MAPK7: variants seen among roughly 807,000 people sequenced by gnomAD.
MAPK7 encodes the protein BMK-1.
Under a neutral mutation model 56.9 loss-of-function variants are expected in MAPK7, and 30 were observed. The ratio of observed to expected loss-of-function variants is 0.53; its 90% CI spans 0.39 to 0.72. The LOEUF (loss-of-function observed/expected upper bound fraction) is 0.72, where lower values mean the gene tolerates loss of function less well. MAPK7 is among the 30% of genes least tolerant of loss of function. MAPK7 has a pLI of 0.00. For missense variants in MAPK7, 952 were observed against 1,110.8 expected, an observed-to-expected ratio of 0.86 and a Z score of 2.03; for synonymous variants, 516 against 449.3, an observed-to-expected ratio of 1.15 and a Z score of -1.88.
rs1036310024 is a variant in MAPK7 at position 19,380,006 on chromosome 17, T to C, written c.398+59T>C. The C allele has an allele frequency of 3.8e-6, 6 of 1,558,922 alleles. No homozygotes were observed. In the African/African-American group the frequency reaches 8.2e-5, roughly 21 times the overall value. ...GGGACTTTTCTGAAGGCTGCAACCA[T>C]GTTGCCGAAGTTCTGGAAAGGCAGC... On this transcript the variant is annotated intron_variant, in intron 3 of 6. Transcript: ENST00000395604.
rs1302098518 is a variant in MAPK7 at position 19,383,246 on chromosome 17, G to C, written c.*15G>C. 1 of 1,613,116 alleles carries C rather than the reference G, an allele frequency of 6.2e-7. No homozygotes were observed. Among genetic ancestry groups the C allele is most frequent in the Admixed American group, 1.7e-5 (1 of 59,978 alleles). Reference sequence around the variant, plus strand: ...AGGACCCCTGAGGCCCCCAGCCTGTGCCTTGCTGCCACAGTAGACCTAGTT... The same window carrying C: ...AGGACCCCTGAGGCCCCCAGCCTGTCCCTTGCTGCCACAGTAGACCTAGTT... On this transcript the variant is annotated 3_prime_UTR_variant, in exon 7 of 7. Transcript: ENST00000395604.
rs1369126434 is a variant in MAPK7, at chr17:19,380,725, C to A, written c.516C>A (p.Tyr172Ter). ...ACCAACTGCTGCGGGGCCTGAAGTA[C>A]ATGCACTCGGCTCAGGTCATCCACC... Reference protein sequence around the residue: ...FLYQLLRGLKYMHSAQVIHRD... With the variant: ...FLYQLLRGLK The change falls in exon 4 of 7, where the codon TAC (tyrosine) becomes TAA (stop). Residue 172 changes from tyrosine (Y) to a stop codon, truncating the protein, a stop_gained. Coordinates refer to ENST00000395604, the MANE Select transcript of MAPK7 (RefSeq NM_002749.4). LOFTEE classifies it high-confidence loss of function. The A allele has an allele frequency of 6.2e-7, 1 of 1,614,226 alleles. No individual in the cohort carries two copies. The highest frequency in any genetic ancestry group is 8.5e-7 in the Non-Finnish European group (1 of 1,180,038).
intron 3 of MAPK7, chr17:19,380,407 A>C: frequency 7.3e-7 from 1 of 1,373,046 alleles, no homozygotes; most frequent in Non-Finnish European, 9.4e-7. Flanking sequence ...CTGGAGACAA[A>C]AGTGATTTAA....
intron 2 of MAPK7, chr17:19,379,445 C>T: frequency 1.8e-6 from 1 of 555,396 alleles, no homozygotes; most frequent in Non-Finnish European, 3.2e-6. Flanking sequence ...GCATAAGGAA[C>T]TGGTGGTGGG....
rs776926961 is a variant in MAPK7, at chr17:19,383,196, C to T, written c.2416C>T (p.Leu806=). 2 of 1,614,120 alleles carry T rather than the reference C, an allele frequency of 1.2e-6. No homozygotes were observed. Among genetic ancestry groups the T allele is most frequent in the Admixed American group, 3.3e-5 (2 of 60,014 alleles). The part of the protein sequence containing the change: ...QREIQMDSPM[L]LADLPDLQDP ...TGAGATCCAGATGGACTCCCCAATG[C>T]TGCTGGCTGACCTGCCTGACCTCCA... is the stretch of plus-strand genomic sequence containing the variant. The change falls in exon 7 of 7, where the codon CTG becomes TTG. Residue 806 remains leucine (L), a synonymous_variant. Coordinates refer to ENST00000395604, the MANE Select transcript of MAPK7 (RefSeq NM_002749.4).
At position 19,379,074 on chromosome 17, in the gene MAPK7, C is replaced by T. The variant is rs778545740; in HGVS notation, c.174C>T (p.Ile58=). ...TFDVGDEYEI[I]ETIGNGAYGV... ...ACGTGGGCGACGAGTACGAGATCAT[C>T]GAGACCATAGGCAACGGGGCCTATG... is the stretch of plus-strand genomic sequence containing the variant. The change falls in exon 2 of 7, where the codon ATC becomes ATT. Residue 58 remains isoleucine (I), a synonymous_variant. Transcript: ENST00000395604. The T allele has an allele frequency of 3.9e-5, 63 of 1,614,004 alleles. No homozygotes were observed. The highest frequency in any genetic ancestry group is 1.0e-4 in the Admixed American group (6 of 60,008).
upstream of MAPK7, chr17:19,377,764 C>T: frequency 1.1e-6 from 1 of 924,134 alleles, no homozygotes; most frequent in South Asian, 5.0e-5. Flanking sequence ...GCGGGCTCCG[C>T]AGAGGAGCAG....
rs1459915277 is a variant in MAPK7 at position 19,381,376 on chromosome 17, T to C, written c.1167T>C (p.His389=). 6.2e-7 allele frequency: 1 copy of C among 1,614,044 alleles called. No homozygotes were observed. Among genetic ancestry groups the C allele is most frequent in the Non-Finnish European group, 8.5e-7 (1 of 1,180,048 alleles). ...EAIVAEIEDF[H]ARREGIRQQI... The stretch of plus-strand genomic sequence containing the variant: ...TTGTGGCTGAAATTGAGGACTTCCA[T>C]GCAAGGCGTGAGGGCATCCGCCAAC... The change falls in exon 4 of 7, where the codon CAT becomes CAC. Residue 389 remains histidine, a synonymous_variant. Transcript: ENST00000395604. This position sits in a 1 kb window ranked among gnomAD's most constrained non-coding sequence, Gnocchi z 4.6.
At chr17:19,382,975 T>G in intron 6 of MAPK7, 29 bp downstream of exon 6, 1 of 1,613,824 alleles carries the variant, frequency 6.2e-7, no homozygotes, top group Non-Finnish European at 8.5e-7. Context: ...GCTCCTAGAC[T>G]GGGACTGTGG....
rs1912588898 is a variant in MAPK7 at position 19,380,854 on chromosome 17, G to A, written c.645G>A (p.Gln215=). Residue 215 remains glutamine, a synonymous_variant, in exon 4 of 7, where the codon CAG becomes CAA. Coordinates refer to ENST00000395604, the MANE Select transcript of MAPK7 (RefSeq NM_002749.4). ...RGLCTSPAEH[Q]YFMTEYVATR... is the part of the protein sequence containing the mutation. ...TGTGCACCTCGCCCGCTGAACATCA[G>A]TACTTCATGACTGAGTATGTGGCCA... The A allele has an allele frequency of 6.2e-7, 1 of 1,614,022 alleles. No homozygotes were observed. Among genetic ancestry groups the A allele is most frequent in the South Asian group, 1.1e-5 (1 of 91,062 alleles).
At position 19,380,794 on chromosome 17, in the gene MAPK7, G is replaced by A; in HGVS notation, c.585G>A (p.Glu195=). The A allele has an allele frequency of 6.2e-7, 1 of 1,613,386 alleles. No homozygotes were observed. Among genetic ancestry groups the A allele is most frequent in the Non-Finnish European group, 8.5e-7 (1 of 1,179,386 alleles). ...ACCTATTGGTGAATGAGAACTGTGAGCTCAAGATTGGTGACTTTGGTATGG... is the reference window on the plus strand; with the variant it reads ...ACCTATTGGTGAATGAGAACTGTGAACTCAAGATTGGTGACTTTGGTATGG... The part of the protein sequence containing the change: ...PSNLLVNENC[E]LKIGDFGMAR... The change falls in exon 4 of 7, where the codon GAG becomes GAA. Residue 195 remains glutamate, a synonymous_variant. Coordinates refer to ENST00000395604, the MANE Select transcript of MAPK7 (RefSeq NM_002749.4).
At position 19,378,857 on chromosome 17, in the gene MAPK7, A is replaced by G. The variant is rs1277681363; in HGVS notation, c.-5-39A>G. 1 of 1,496,938 alleles carries G rather than the reference A, an allele frequency of 6.7e-7. No homozygotes were observed. The highest frequency in any genetic ancestry group is 2.5e-5 in the East Asian group (1 of 40,478). The allele number at this position is 1,496,938 out of a possible 1,614,324, so 92.7% of individuals were successfully genotyped here. The stretch of plus-strand genomic sequence containing the variant: ...GCCCGCAGAGGGGACACTGAGGCCC[A>G]CGGTAGGTGGTCCTCTCCTCACCCG... On this transcript the variant is annotated intron_variant, in intron 1 of 6. Coordinates refer to ENST00000395604, the MANE Select transcript of MAPK7 (RefSeq NM_002749.4). The surrounding 1 kb of genome is among the most constrained non-coding windows in gnomAD (Gnocchi z 5.4).
chr17:19,382,280 C>T lies in MAPK7; in HGVS notation c.1977C>T (p.Thr659=). Residue 659 remains threonine, a synonymous_variant, in exon 5 of 7, where the codon ACC becomes ACT. Coordinates refer to ENST00000395604, the MANE Select transcript of MAPK7 (RefSeq NM_002749.4). ...IPVPAPPQIA[T]STSLLAAQSL... Reference sequence around the variant, plus strand: ...TCCCCGCGCCACCCCAGATTGCCACCTCCACCAGCCTCCTGGCTGCCCAGT... The same window carrying T: ...TCCCCGCGCCACCCCAGATTGCCACTTCCACCAGCCTCCTGGCTGCCCAGT... The T allele has an allele frequency of 6.2e-7, 1 of 1,612,898 alleles. No individual in the cohort carries two copies.
At chr17:19,380,233 C>T (rs1870204015) in intron 3 of MAPK7, 1 of 510,582 alleles carries the variant, frequency 2.0e-6, no homozygotes, top group Non-Finnish European at 3.4e-6. Context: ...CTTCACTAAT[C>T]AATCACAGAA....
Position 19,382,125 on chromosome 17 carries a change from G to T in MAPK7, c.1822G>T (p.Gly608Cys). 6.2e-7 allele frequency: 1 copy of T among 1,612,256 alleles called. No individual in the cohort carries two copies. The highest frequency in any genetic ancestry group is 8.5e-7 in the Non-Finnish European group (1 of 1,179,668). ...AGTCCAACCTACCAGTCCTCCTCCT[G>T]GCCCTGTAGCCCAGCCCACTGGCCC... ...TPVQPTSPPPGPVAQPTGPQP... is the reference protein window; with the variant it reads ...TPVQPTSPPPCPVAQPTGPQP... Residue 608 changes from glycine to cysteine, a missense_variant, in exon 5 of 7, where the codon GGC (glycine) becomes TGC (cysteine). Transcript: ENST00000395604.
chr17:19,382,064 G>T lies in MAPK7; in HGVS notation c.1761G>T (p.Pro587=), dbSNP rs1332144657. 2 of 1,590,560 alleles carry T rather than the reference G, an allele frequency of 1.3e-6. No individual in the cohort carries two copies. Among genetic ancestry groups the T allele is most frequent in the Non-Finnish European group, 1.7e-6 (2 of 1,169,126 alleles). The change falls in exon 5 of 7, where the codon CCG becomes CCT. Residue 587 remains proline, a synonymous_variant. Coordinates refer to ENST00000395604, the MANE Select transcript of MAPK7 (RefSeq NM_002749.4). ...RPAAPALTSV[P]APAPAPTPTP... The stretch of plus-strand genomic sequence containing the variant: ...CAGCCCCAGCCCTCACCTCTGTGCC[G>T]GCCCCTGCCCCAGCGCCAACGCCAA...
chr17:19,378,211 G>T, upstream of MAPK7: 1 of 985,668 alleles, frequency 1.0e-6, no homozygotes, highest in Non-Finnish European at 1.2e-6. This position sits in a 1 kb window ranked among gnomAD's most constrained non-coding sequence, Gnocchi z 5.4. Flanking sequence ...CGCGCGCTAC[G>T]TGCAGGGGCG....
rs934190596 is a variant in MAPK7 at position 19,382,118 on chromosome 17, T to A, written c.1815T>A (p.Pro605=). Residue 605 remains proline, a synonymous_variant, in exon 5 of 7, where the codon CCT becomes CCA. Coordinates refer to ENST00000395604, the MANE Select transcript of MAPK7 (RefSeq NM_002749.4). ...CAACCCCAGTCCAACCTACCAGTCC[T>A]CCTCCTGGCCCTGTAGCCCAGCCCA... ...PTPTPVQPTS[P]PPGPVAQPTG... 6.2e-7 allele frequency: 1 copy of A among 1,611,398 alleles called. No homozygotes were observed. Among genetic ancestry groups the A allele is most frequent in the Admixed American group, 1.7e-5 (1 of 59,902 alleles).
At chr17:19,379,588 C>T (rs182311226) in intron 2 of MAPK7, 194 bp from the exon 3 acceptor site, 5 of 601,270 alleles carry the variant, frequency 8.3e-6, no homozygotes, top group Admixed American at 6.3e-5. Context: ...GGACCTGCCC[C>T]GCAGGGGAGT....
Sources: gnomAD v4.1 joint callset for allele counts on GRCh38, gnomAD v4.1.1 for gene constraint, Gnocchi (gnomAD v3.1) non-coding constraint, MANE v1.5 for transcripts, NCBI Gene and HGNC (gene_info 2026-07-23, HGNC 2026-07-21) for gene names.